The following HDAC9 variants were observed in gnomAD, a reference collection of about 807,000 sequenced individuals.
HDAC9 encodes the protein MEF-2 interacting transcription repressor (MITR) protein.
In HDAC9, 41 loss-of-function variants were observed where a neutral mutation model predicts 139.4. The observed-to-expected ratio is 0.29, with a 90% confidence interval of 0.23 to 0.38. The LOEUF (loss-of-function observed/expected upper bound fraction) is 0.38, where lower values mean the gene tolerates loss of function less well. HDAC9 is among the 10% of genes least tolerant of loss of function. HDAC9 has a pLI of 1.00. For synonymous variants in HDAC9, 517 were observed against 476.2 expected, an observed-to-expected ratio of 1.09 and a Z score of -1.12; for missense variants, 1,147 against 1,297.0, an observed-to-expected ratio of 0.88 and a Z score of 1.78.
intron 22 of HDAC9, among the ~76,000 whole-genome samples, chr7:18,878,704 A>G (rs1799503929): frequency 6.6e-6 from 1 of 152,186 alleles, no homozygotes; most frequent in Admixed American, 6.6e-5. Flanking sequence ...AGCCAACATT[A>G]TACTGAATGG....
intron 12 of HDAC9, among the ~76,000 whole-genome samples, chr7:18,708,855 A>G (rs1344661559): frequency 3.9e-5 from 6 of 152,114 alleles, no homozygotes; most frequent in Admixed American, 3.9e-4. Flanking sequence ...AACACTCACA[A>G]AAAGAAGCAA....
intron 1 of HDAC9, among the ~76,000 whole-genome samples, chr7:18,142,093 C>A (rs191337110): frequency 3.3e-5 from 5 of 152,262 alleles, no homozygotes; most frequent in African/African-American, 1.2e-4. Context: ...AGAATTCCAG[C>A]ACTTCACCAC....
chr7:18,800,937 A>G (rs918983364), intron 17 of HDAC9, among the ~76,000 whole-genome samples: 2 of 152,156 alleles, frequency 1.3e-5, no homozygotes, highest in Non-Finnish European at 2.9e-5. Context: ...TATTACAATT[A>G]CATTCTCTGT....
chr7:18,189,038 G>C (rs1790131138), intron 2 of HDAC9, among the ~76,000 whole-genome samples: 2 of 152,136 alleles, frequency 1.3e-5, no homozygotes, highest in East Asian at 3.8e-4. Flanking sequence ...AAAGACAAAT[G>C]TACATGTATG....
chr7:18,134,129 T>C (rs1040052301), intron 1 of HDAC9, among the ~76,000 whole-genome samples: 1 of 152,064 alleles, frequency 6.6e-6, no homozygotes, highest in Non-Finnish European at 1.5e-5. Context: ...TGTAAATGTG[T>C]TGGCTCCTTG....
chr7:18,829,134 C>G (rs1446984197), intron 17 of HDAC9, 27 bp from the exon 18 acceptor site: 1 of 1,562,986 alleles, frequency 6.4e-7, no homozygotes, highest in Non-Finnish European at 8.8e-7. Flanking sequence ...TATATCTGAC[C>G]ATTGAAAACC....
At chr7:18,645,462 C>G (rs1562728723) in intron 9 of HDAC9, among the ~76,000 whole-genome samples, 1 of 152,104 alleles carries the variant, frequency 6.6e-6, no homozygotes. Context: ...ACATGAAGGC[C>G]TAGAAGTGAT....
intron 22 of HDAC9, among the ~76,000 whole-genome samples, chr7:18,934,421 A>G (rs1260352760): frequency 1.3e-5 from 2 of 152,170 alleles, no homozygotes; most frequent in African/African-American, 4.8e-5. Context: ...GTGTGTACTA[A>G]AAAGATAATA....
At chr7:18,909,633 T>C (rs996821273) in intron 22 of HDAC9, among the ~76,000 whole-genome samples, 2 of 152,022 alleles carry the variant, frequency 1.3e-5, no homozygotes, top group South Asian at 2.1e-4. Context: ...CCCAGCACTA[T>C]TTATCTATTT....
At chr7:18,937,647 TTTAA>T (rs1781736811) in intron 23 of HDAC9, among the ~76,000 whole-genome samples, 1 of 152,206 alleles carries the variant, frequency 6.6e-6, no homozygotes, top group Admixed American at 6.5e-5. Flanking sequence ...CTTATTTGAT[TTTAA>T]TTATAGAAAT....
intron 1 of HDAC9, among the ~76,000 whole-genome samples, chr7:18,375,829 A>G (rs1023245198): frequency 1.3e-5 from 2 of 152,214 alleles, no homozygotes; most frequent in African/African-American, 4.8e-5. Context: ...ACAGCTTGGT[A>G]TCCATGCCTC....
intron 16 of HDAC9, among the ~76,000 whole-genome samples, chr7:18,792,280 A>T (rs1485508014): frequency 6.6e-6 from 1 of 151,266 alleles, no homozygotes; most frequent in East Asian, 1.9e-4. Flanking sequence ...AAAAAAAAAA[A>T]AAAGCTTTGT....
chr7:18,205,556 A>G (rs1791442783), intron 2 of HDAC9, among the ~76,000 whole-genome samples: 2 of 152,106 alleles, frequency 1.3e-5, no homozygotes, highest in African/African-American at 4.8e-5. Context: ...AGGTGACAGT[A>G]TATTTTTACC....
chr7:18,829,750 T>A (rs1015434249), intron 19 of HDAC9, among the ~76,000 whole-genome samples: 23 of 152,224 alleles, frequency 1.5e-4, no homozygotes, highest in Non-Finnish European at 3.1e-4. Flanking sequence ...TGGTGTTAAC[T>A]GCAATTTAAT....
At chr7:18,434,211 A>T (rs957267643) in intron 1 of HDAC9, among the ~76,000 whole-genome samples, 1 of 152,242 alleles carries the variant, frequency 6.6e-6, no homozygotes, top group Admixed American at 6.5e-5. Flanking sequence ...AGCTATCCGT[A>T]TGCAGAAGAT....
chr7:18,460,788 CAAAA>C (rs750144894), intron 1 of HDAC9, among the ~76,000 whole-genome samples: 1 of 45,306 alleles, frequency 2.2e-5, no homozygotes. Context: ...AACTCTGTCT[CAAAA>C]AAAAAAAAAA....
intron 22 of HDAC9, among the ~76,000 whole-genome samples, chr7:18,932,435 CT>C (rs1006912605): frequency 1.1e-4 from 17 of 152,036 alleles, no homozygotes; most frequent in Admixed American, 3.9e-4. Context: ...TAAAATCATC[CT>C]TTTAAATTTG....
intron 1 of HDAC9, among the ~76,000 whole-genome samples, chr7:18,329,906 T>C (rs1800779160): frequency 6.6e-6 from 1 of 151,696 alleles, no homozygotes; most frequent in South Asian, 2.1e-4. Flanking sequence ...TTACTAGTTT[T>C]GCTTTGGGAA....
At chr7:18,718,585 T>C (rs1200013044) in intron 12 of HDAC9, among the ~76,000 whole-genome samples, 5 of 152,166 alleles carry the variant, frequency 3.3e-5, no homozygotes, top group Non-Finnish European at 5.9e-5. Flanking sequence ...TCATCCATGT[T>C]GTAGCATGTA....
Sources: allele counts gnomAD v4.1 joint callset (sites outside exome capture counted in the v4.1 genomes callset), GRCh38; gene constraint gnomAD v4.1.1; transcripts MANE v1.5; gene names NCBI Gene and HGNC (gene_info 2026-07-23, HGNC 2026-07-21).